The following CTNNA2 variants were observed in gnomAD, a reference collection of about 807,000 sequenced individuals.
The protein encoded by CTNNA2 is catenin alpha 2, also known as catenin alpha-2.
A neutral mutation model predicts 101.0 loss-of-function variants in CTNNA2; 42 were observed. The observed-to-expected ratio is 0.42, with a 90% CI of 0.32 to 0.54. CTNNA2 has a LOEUF of 0.54. Among genes scored for constraint, CTNNA2 ranks in the 20% least tolerant of loss-of-function variants. The probability of loss-of-function intolerance (pLI) is 0.14; values close to 1 mark genes in which losing one functional copy is unlikely to be tolerated. For missense variants in CTNNA2, 871 were observed against 1,223.1 expected (o/e 0.71, Z 4.29); for synonymous variants, 450 against 456.4 (o/e 0.99, Z 0.18).
rs75988607 is a variant in CTNNA2 at position 80,268,591 on chromosome 2, A to C, written c.1057-124620A>C. On this transcript the variant is annotated intron_variant, in intron 7 of 18. Coordinates refer to ENST00000402739, the MANE Select transcript of CTNNA2 (RefSeq NM_001282597.3). ...TCTCAGACAACATTTAGTCTTTCTC[A>C]CACATAACTTTACTACCTCAGCTCC... Among the ~76,000 whole-genome samples the C allele has an allele frequency of 9.4e-3, 1,437 of 152,286 alleles. 21 individuals carry two copies. Among genetic ancestry groups the C allele is most frequent in the African/African-American group, 0.032 (1,335 of 41,566 alleles).
intron 2 of CTNNA2, among the ~76,000 whole-genome samples, chr2:79,204,997 A>T (rs763848026): frequency 6.6e-6 from 1 of 152,262 alleles, no homozygotes; most frequent in Non-Finnish European, 1.5e-5. Context: ...CACTAGAGCA[A>T]TAGCCATCAG....
At chr2:80,070,961 T>C (rs1055642943) in intron 7 of CTNNA2, among the ~76,000 whole-genome samples, 6 of 152,178 alleles carry the variant, frequency 3.9e-5, no homozygotes, top group Admixed American at 2.0e-4. Context: ...TGTGTTTATA[T>C]TTAGGGCCCT....
intron 2 of CTNNA2, among the ~76,000 whole-genome samples, chr2:79,263,980 C>T (rs936081131): frequency 3.3e-5 from 5 of 152,160 alleles, no homozygotes; most frequent in Admixed American, 2.6e-4. Flanking sequence ...TGGATAAAAA[C>T]AAGAGTCAAC....
chr2:80,411,779 T>G (rs1282280707), intron 8 of CTNNA2, among the ~76,000 whole-genome samples: 1 of 152,140 alleles, frequency 6.6e-6, no homozygotes, highest in Non-Finnish European at 1.5e-5. Context: ...ATTGTCTCAG[T>G]CTCCTCACCT....
chr2:80,093,798 G>A (rs577537068), intron 7 of CTNNA2, among the ~76,000 whole-genome samples: 1 of 152,288 alleles, frequency 6.6e-6, no homozygotes, highest in African/African-American at 2.4e-5. Context: ...CTGCATAAAT[G>A]TCTTCTTTTG....
At chr2:79,316,769 G>T (rs1676507436) in intron 3 of CTNNA2, among the ~76,000 whole-genome samples, 1 of 151,344 alleles carries the variant, frequency 6.6e-6, no homozygotes. Flanking sequence ...CTGTAAACTT[G>T]CTAAATTCAT....
chr2:80,022,471 T>A (rs1343386531), intron 7 of CTNNA2, among the ~76,000 whole-genome samples: 1 of 152,118 alleles, frequency 6.6e-6, no homozygotes, highest in African/African-American at 2.4e-5. Flanking sequence ...CAAATGAGAA[T>A]GAACTATTCA....
chr2:80,565,063 T>TATGA (rs993268644), intron 12 of CTNNA2, among the ~76,000 whole-genome samples: 5 of 152,298 alleles, frequency 3.3e-5, no homozygotes, highest in Admixed American at 1.3e-4. Context: ...GTGGTGTAAA[T>TATGA]ATGAGATAGA....
At chr2:79,221,270 G>A (rs1460736661) in intron 2 of CTNNA2, among the ~76,000 whole-genome samples, 1 of 152,108 alleles carries the variant, frequency 6.6e-6, no homozygotes, top group Non-Finnish European at 1.5e-5. Context: ...TCCTGCCTCA[G>A]CCAAGTAGCT....
chr2:80,455,114 G>A (rs2149462738), intron 9 of CTNNA2, among the ~76,000 whole-genome samples: 1 of 152,346 alleles, frequency 6.6e-6, no homozygotes, highest in Non-Finnish European at 1.5e-5. Flanking sequence ...GACTGTCAGG[G>A]CTGGCAAACA....
At chr2:80,455,858 G>A (rs181169514) in intron 9 of CTNNA2, among the ~76,000 whole-genome samples, 3 of 152,260 alleles carry the variant, frequency 2.0e-5, no homozygotes, top group Admixed American at 2.0e-4. Context: ...TTTGTTCTCA[G>A]TGCACTGATC....
At chr2:79,258,168 T>C (rs894526202) in intron 2 of CTNNA2, among the ~76,000 whole-genome samples, 1 of 152,180 alleles carries the variant, frequency 6.6e-6, no homozygotes, top group East Asian at 1.9e-4. Context: ...ATATCATCAT[T>C]TGATGAGGGG....
intron 2 of CTNNA2, among the ~76,000 whole-genome samples, chr2:79,311,238 T>C (rs1676361460): frequency 6.6e-6 from 1 of 151,460 alleles, no homozygotes; most frequent in African/African-American, 2.4e-5. Flanking sequence ...TGAAGCCCCG[T>C]CTCTACTAAA....
intron 3 of CTNNA2, among the ~76,000 whole-genome samples, chr2:79,770,115 G>C (rs935099404): frequency 5.9e-5 from 9 of 152,314 alleles, no homozygotes; most frequent in African/African-American, 1.9e-4. Context: ...GTTGGGGAGT[G>C]CTTCTACCAT....
At chr2:79,810,186 C>T (rs927194940) in intron 3 of CTNNA2, among the ~76,000 whole-genome samples, 2 of 151,978 alleles carry the variant, frequency 1.3e-5, no homozygotes, top group Non-Finnish European at 1.5e-5. Context: ...ATAACTGAGA[C>T]TGGGTAATTT....
chr2:79,833,542 G>C (rs1679085261), intron 3 of CTNNA2, among the ~76,000 whole-genome samples: 1 of 152,102 alleles, frequency 6.6e-6, no homozygotes, highest in Non-Finnish European at 1.5e-5. Context: ...ACATTAACCT[G>C]GAGGATTGAA....
At chr2:79,669,914 C>A (rs1682710653) in intron 2 of CTNNA2, among the ~76,000 whole-genome samples, 1 of 152,176 alleles carries the variant, frequency 6.6e-6, no homozygotes, top group Non-Finnish European at 1.5e-5. Context: ...GTCAGTGGGA[C>A]TGGCAGCCCA....
chr2:79,473,584 G>T (rs891954486), intron 4 of CTNNA2, among the ~76,000 whole-genome samples: 1 of 152,062 alleles, frequency 6.6e-6, no homozygotes, highest in Admixed American at 6.6e-5. Flanking sequence ...ATGTGTGCTA[G>T]AAAATAATGA....
At chr2:79,610,447 G>T (rs1678194045) in intron 1 of CTNNA2, among the ~76,000 whole-genome samples, 1 of 152,038 alleles carries the variant, frequency 6.6e-6, no homozygotes. Flanking sequence ...ATTTATAATA[G>T]CCAATAAGTG....
Sources: gnomAD v4.1 joint callset for allele counts (sites outside exome capture counted in the v4.1 genomes callset) on GRCh38, gnomAD v4.1.1 for gene constraint, MANE v1.5 for transcripts, NCBI Gene and HGNC (gene_info 2026-07-23, HGNC 2026-07-21) for gene names.